PRKCB: variants seen among roughly 807,000 people sequenced by gnomAD.
PRKCB encodes the protein protein kinase C beta.
A neutral mutation model predicts 81.5 loss-of-function variants in PRKCB; 13 were observed. That is an observed-to-expected ratio of 0.16 (90% CI 0.10 to 0.25). PRKCB has a LOEUF of 0.25. Among genes scored for constraint, PRKCB ranks in the 10% least tolerant of loss-of-function variants. The probability of loss-of-function intolerance (pLI) is 1.00; values close to 1 mark genes in which losing one functional copy is unlikely to be tolerated. For missense variants in PRKCB, 509 were observed against 875.7 expected, an observed-to-expected ratio of 0.58 and a Z score of 5.29; for synonymous variants, 335 against 321.4, an observed-to-expected ratio of 1.04 and a Z score of -0.45.
At chr16:24,006,778 A>G (rs746642509) in intron 3 of PRKCB, among the ~76,000 whole-genome samples, 1 of 148,692 alleles carries the variant, frequency 6.7e-6, no homozygotes. Flanking sequence ...CAAAGACTAA[A>G]CGCTGTGGGG....
chr16:24,183,943 A>G (rs925923690), intron 13 of PRKCB, among the ~76,000 whole-genome samples: 1 of 152,220 alleles, frequency 6.6e-6, no homozygotes, highest in Non-Finnish European at 1.5e-5. Flanking sequence ...TCACAACCAT[A>G]TATACCATAT....
intron 2 of PRKCB, among the ~76,000 whole-genome samples, chr16:23,886,351 A>G (rs1473837613): frequency 6.7e-6 from 1 of 149,302 alleles, no homozygotes; most frequent in Non-Finnish European, 1.5e-5. Context: ...AAAACATTCA[A>G]CGTCATCTTT....
chr16:23,905,827 T>C (rs1963551085), intron 2 of PRKCB, among the ~76,000 whole-genome samples: 1 of 152,188 alleles, frequency 6.6e-6, no homozygotes, highest in Non-Finnish European at 1.5e-5. Flanking sequence ...AAATATATTA[T>C]AGTGTTGTTT....
At chr16:23,839,305 A>C (rs1485353585) in intron 2 of PRKCB, among the ~76,000 whole-genome samples, 1 of 112,960 alleles carries the variant, frequency 8.9e-6, no homozygotes, top group Non-Finnish European at 1.7e-5. Context: ...ACAGGGTCTC[A>C]CTCTTTTGCC....
rs113401766 is a variant in PRKCB at position 23,955,357 on chromosome 16, C to T, written c.206-33151C>T. Among the ~76,000 whole-genome samples the T allele has an allele frequency of 4.0e-3, 616 of 152,166 alleles. 1 individual carries two copies. Among genetic ancestry groups the T allele is most frequent in the Middle Eastern group, 0.01 (3 of 294 alleles). Reference sequence around the variant, plus strand: ...CAGTCCTGCTTGAGACTCACTTTTCCGACAGTTCTTTCTTCGGTGGACTGT... The same window carrying T: ...CAGTCCTGCTTGAGACTCACTTTTCTGACAGTTCTTTCTTCGGTGGACTGT... On this transcript the variant is annotated intron_variant, in intron 2 of 16. Transcript: ENST00000643927.
At chr16:24,096,398 G>A (rs1024227957) in intron 7 of PRKCB, among the ~76,000 whole-genome samples, 17 of 152,122 alleles carry the variant, frequency 1.1e-4, no homozygotes, top group South Asian at 2.1e-4. Context: ...TTTCACTGAC[G>A]TCATCATTTT....
chr16:24,193,452 T>TAAATAAATAAATAAATA (rs1555501742), intron 16 of PRKCB, among the ~76,000 whole-genome samples: 171 of 7,948 alleles, frequency 0.022, 2 homozygotes, highest in African/African-American at 0.098. Flanking sequence ...CTCAAATAAA[T>TAAATAAATAAATAAATA]AAATAAATAA....
intron 2 of PRKCB, among the ~76,000 whole-genome samples, chr16:23,972,099 A>G (rs897379466): frequency 4.6e-5 from 7 of 152,250 alleles, no homozygotes; most frequent in African/African-American, 1.7e-4. Flanking sequence ...AATATTATTC[A>G]GCAGTAAAGA....
In PRKCB at chr16:24,020,976, TTTTCTTTCTTTCTTTCTTTC is replaced by T. The variant is rs59486748; in HGVS notation, c.289-11114_289-11095del. Among the ~76,000 whole-genome samples, 103 of 96,706 alleles carry T rather than the reference TTTTCTTTCTTTCTTTCTTTC, an allele frequency of 1.1e-3. 2 individuals are homozygous for T. The highest frequency in any genetic ancestry group is 3.1e-3 in the African/African-American group (75 of 24,438). 63.4% of individuals were successfully genotyped at this position (96,706 alleles called of 152,430 possible). On this transcript the variant is annotated intron_variant, in intron 3 of 16. Coordinates refer to ENST00000643927, the MANE Select transcript of PRKCB (RefSeq NM_002738.7). ...CATTCAGACTGAGAGAGACTTTTCT[TTTTCTTTCTTTCTTTCTTTC>T]TTTCTTTCTTTCTTTCTTTCTTTCT... is the stretch of plus-strand genomic sequence containing the variant.
chr16:23,917,024 C>T (rs1045561160), intron 2 of PRKCB, among the ~76,000 whole-genome samples: 1 of 152,138 alleles, frequency 6.6e-6, no homozygotes, highest in Admixed American at 6.5e-5. Context: ...GATAGGGTCA[C>T]CTGGGCCTCC....
intron 2 of PRKCB, among the ~76,000 whole-genome samples, chr16:23,884,453 A>T (rs764863809): frequency 2.6e-5 from 4 of 152,210 alleles, no homozygotes; most frequent in Non-Finnish European, 5.9e-5. Flanking sequence ...TTCATTAAAA[A>T]TTGTGAACAT....
intron 2 of PRKCB, among the ~76,000 whole-genome samples, chr16:23,857,462 G>A (rs946876391): frequency 2.0e-5 from 3 of 152,218 alleles, no homozygotes; most frequent in African/African-American, 7.2e-5. Flanking sequence ...GTGGGACTCT[G>A]CTGAGGGTTG....
intron 2 of PRKCB, among the ~76,000 whole-genome samples, chr16:23,872,893 C>G (rs1290421548): frequency 6.6e-6 from 1 of 151,724 alleles, no homozygotes; most frequent in Non-Finnish European, 1.5e-5. Context: ...AAACGGAAGA[C>G]TTGGCCCGGC....
intron 2 of PRKCB, among the ~76,000 whole-genome samples, chr16:23,898,818 G>A (rs1042542761): frequency 6.6e-6 from 1 of 152,162 alleles, no homozygotes; most frequent in Non-Finnish European, 1.5e-5. Flanking sequence ...GGGACCATGC[G>A]ATCCTTAACT....
At chr16:24,082,883 ATT>A (rs767185459) in intron 5 of PRKCB, among the ~76,000 whole-genome samples, 14 of 152,172 alleles carry the variant, frequency 9.2e-5, no homozygotes, top group Non-Finnish European at 1.9e-4. Flanking sequence ...AAAAACTTTT[ATT>A]TTGCAAGAAA....
At chr16:23,865,120 C>G (rs986719698) in intron 2 of PRKCB, among the ~76,000 whole-genome samples, 8 of 152,202 alleles carry the variant, frequency 5.3e-5, no homozygotes, top group South Asian at 2.1e-4. Flanking sequence ...CCCACAGAAA[C>G]ACAGGAGATC....
chr16:23,918,385 T>TA (rs1322314900), intron 2 of PRKCB, among the ~76,000 whole-genome samples: 9 of 149,518 alleles, frequency 6.0e-5, no homozygotes, highest in African/African-American at 2.0e-4. Context: ...ACCTTTTTAT[T>TA]ATTATTATTA....
chr16:24,075,600 C>G (rs552619543), intron 5 of PRKCB, among the ~76,000 whole-genome samples: 1 of 152,342 alleles, frequency 6.6e-6, no homozygotes, highest in African/African-American at 2.4e-5. Flanking sequence ...AATTCAGGAT[C>G]TGTTTAAGCA....
intron 8 of PRKCB, among the ~76,000 whole-genome samples, chr16:24,116,547 G>A (rs907378449): frequency 1.6e-4 from 25 of 152,208 alleles, no homozygotes; most frequent in African/African-American, 5.8e-4. Flanking sequence ...AAGTGGAACA[G>A]ACACATTGGC....
Sources: allele counts gnomAD v4.1 joint callset (sites outside exome capture counted in the v4.1 genomes callset), GRCh38; gene constraint gnomAD v4.1.1; transcripts MANE v1.5; gene names NCBI Gene and HGNC (gene_info 2026-07-23, HGNC 2026-07-21).